The following CSMD1 variants were observed in gnomAD, a reference collection of about 807,000 sequenced individuals.
CSMD1 encodes CUB and Sushi multiple domains 1, also known as CUB and sushi domain-containing protein 1.
Under a neutral mutation model 417.5 loss-of-function variants are expected in CSMD1, and 213 were observed. That is an observed-to-expected ratio of 0.51 (90% CI 0.46 to 0.57). CSMD1 has a LOEUF of 0.57. CSMD1 is among the 20% of genes least tolerant of loss of function. The probability of loss-of-function intolerance (pLI) is 0.00; values close to 1 mark genes in which losing one functional copy is unlikely to be tolerated. For synonymous variants in CSMD1, 2,862 were observed against 1,736.8 expected, an observed-to-expected ratio of 1.65 and a Z score of -16.11; for missense variants, 6,923 against 4,529.7, an observed-to-expected ratio of 1.53 and a Z score of -15.17.
intron 5 of CSMD1, among the ~76,000 whole-genome samples, chr8:3,901,885 C>A (rs2129134010): frequency 6.6e-6 from 1 of 152,292 alleles, no homozygotes; most frequent in Non-Finnish European, 1.5e-5. Context: ...GTGCTTTTCC[C>A]ATTAGATCAT....
At chr8:3,281,752 A>G (rs926421761) in intron 26 of CSMD1, among the ~76,000 whole-genome samples, 3 of 152,302 alleles carry the variant, frequency 2.0e-5, no homozygotes, top group Middle Eastern at 3.4e-3. Flanking sequence ...ATTACTACAG[A>G]TGCATTTTTC....
chr8:4,936,737 G>C (rs1563811501), intron 1 of CSMD1, among the ~76,000 whole-genome samples: 1 of 152,176 alleles, frequency 6.6e-6, no homozygotes, highest in Non-Finnish European at 1.5e-5. Context: ...GGCAGGACCT[G>C]ATAAAACCCA....
chr8:3,972,886 T>C (rs1465897594), intron 5 of CSMD1, among the ~76,000 whole-genome samples: 4 of 151,676 alleles, frequency 2.6e-5, no homozygotes, highest in Non-Finnish European at 4.4e-5. Flanking sequence ...ATAAAAACCA[T>C]CAAAATGTAA....
chr8:3,458,101 C>T (rs746568087), intron 12 of CSMD1, among the ~76,000 whole-genome samples: 11 of 152,226 alleles, frequency 7.2e-5, no homozygotes, highest in South Asian at 2.1e-4. Context: ...ACGTGAGCCC[C>T]GCAGCGCTTA....
intron 26 of CSMD1, among the ~76,000 whole-genome samples, chr8:3,256,082 C>A (rs984004713): frequency 2.2e-4 from 34 of 152,018 alleles, no homozygotes; most frequent in African/African-American, 8.0e-4. Context: ...AATCCCAGGA[C>A]TTTGGGGGGC....
At chr8:3,970,654 C>T (rs900403510) in intron 5 of CSMD1, among the ~76,000 whole-genome samples, 4 of 152,208 alleles carry the variant, frequency 2.6e-5, no homozygotes, top group Non-Finnish European at 4.4e-5. Context: ...GAAACATGAA[C>T]ATCAAGTAGC....
At chr8:4,402,167 A>G (rs547740681) in intron 3 of CSMD1, among the ~76,000 whole-genome samples, 37 of 152,158 alleles carry the variant, frequency 2.4e-4, no homozygotes, top group African/African-American at 8.7e-4. Flanking sequence ...CCTAATACCA[A>G]CCACATCTAC....
intron 6 of CSMD1, among the ~76,000 whole-genome samples, chr8:3,749,665 G>T (rs2623723): frequency 1.3e-5 from 2 of 152,116 alleles, no homozygotes; most frequent in African/African-American, 4.8e-5. Flanking sequence ...GGAAAACAAA[G>T]AAGTTTCTCA....
At chr8:4,455,155 G>C (rs377878) in intron 2 of CSMD1, among the ~76,000 whole-genome samples, 2 of 152,104 alleles carry the variant, frequency 1.3e-5, no homozygotes, top group African/African-American at 2.4e-5. Context: ...ACAGCCAAAA[G>C]GAAAATGGTA....
chr8:4,869,362 C>T (rs1320043671), intron 1 of CSMD1, among the ~76,000 whole-genome samples: 1 of 151,828 alleles, frequency 6.6e-6, no homozygotes, highest in East Asian at 1.9e-4. Context: ...TATGTTAATG[C>T]TCTCTGTATT....
intron 4 of CSMD1, among the ~76,000 whole-genome samples, chr8:4,014,408 C>T (rs1436886691): frequency 6.6e-6 from 1 of 152,154 alleles, no homozygotes; most frequent in Non-Finnish European, 1.5e-5. Flanking sequence ...TGATTTAACA[C>T]TAATCTTCTC....
chr8:3,818,206 T>A (rs566976688), intron 5 of CSMD1, among the ~76,000 whole-genome samples: 1 of 152,050 alleles, frequency 6.6e-6, no homozygotes, highest in Admixed American at 6.5e-5. Flanking sequence ...TGCTCCTCCA[T>A]GAAAACGCAG....
At chr8:4,632,817 T>A (rs780347588) in intron 2 of CSMD1, among the ~76,000 whole-genome samples, 26 of 152,080 alleles carry the variant, frequency 1.7e-4, no homozygotes, top group Non-Finnish European at 3.1e-4. Flanking sequence ...GTGCACTGCG[T>A]TTTGAAAGAC....
At chr8:4,731,561 T>C (rs1001106784) in intron 1 of CSMD1, among the ~76,000 whole-genome samples, 25 of 152,332 alleles carry the variant, frequency 1.6e-4, no homozygotes, top group African/African-American at 5.5e-4. Flanking sequence ...ATTAAATACA[T>C]GTTTATTGAA....
At chr8:3,852,188 G>A (rs1193524832) in intron 5 of CSMD1, among the ~76,000 whole-genome samples, 1 of 152,174 alleles carries the variant, frequency 6.6e-6, no homozygotes, top group Non-Finnish European at 1.5e-5. Flanking sequence ...AGTACGGAGA[G>A]TATGTCCCTA....
intron 18 of CSMD1, among the ~76,000 whole-genome samples, chr8:3,371,990 GA>G (rs1809984701): frequency 1.3e-5 from 2 of 152,172 alleles, no homozygotes; most frequent in African/African-American, 4.8e-5. Flanking sequence ...TAATAAGAGA[GA>G]TAAAATATCT....
At chr8:3,255,355 C>G (rs1382067496) in intron 26 of CSMD1, among the ~76,000 whole-genome samples, 1 of 152,170 alleles carries the variant, frequency 6.6e-6, no homozygotes, top group South Asian at 2.1e-4. Context: ...ATTCTCAGAT[C>G]TCAAGCTGTG....
intron 3 of CSMD1, among the ~76,000 whole-genome samples, chr8:4,082,626 T>A (rs1442333529): frequency 6.6e-6 from 1 of 151,876 alleles, no homozygotes; most frequent in East Asian, 1.9e-4. Context: ...ATTTTATTAT[T>A]ATTACACTTT....
Position 4,851,334 on chromosome 8 carries a change from C to T in CSMD1, c.85+142998G>A, listed in dbSNP as rs185932341. On this transcript the variant is annotated intron_variant, in intron 1 of 69. Coordinates refer to ENST00000635120, the MANE Select transcript of CSMD1 (RefSeq NM_033225.6). Reference sequence around the variant, plus strand: ...GGTGTATACATGCCAACTTTTCTCGCCCCCTTTTTAAGCTCCTTCTTTCAC... The same window carrying T: ...GGTGTATACATGCCAACTTTTCTCGTCCCCTTTTTAAGCTCCTTCTTTCAC... Among the ~76,000 whole-genome samples the T allele has an allele frequency of 4.3e-3, 659 of 152,060 alleles. 4 individuals carry two copies. The highest frequency in any genetic ancestry group is 0.015 in the African/African-American group (605 of 41,474).
Sources: allele counts gnomAD v4.1 joint callset (sites outside exome capture counted in the v4.1 genomes callset), GRCh38; gene constraint gnomAD v4.1.1; transcripts MANE v1.5; gene names NCBI Gene and HGNC (gene_info 2026-07-23, HGNC 2026-07-21).